Variants in DSCAM observed in about 807,000 individuals in gnomAD.
DSCAM encodes the protein cell adhesion molecule DSCAM.
DSCAM carries 47 observed loss-of-function variants against 217.7 expected under a neutral mutation model. The observed-to-expected ratio is 0.22, with a 90% CI of 0.17 to 0.28. The LOEUF (loss-of-function observed/expected upper bound fraction) is 0.28. Among genes scored for constraint, DSCAM ranks in the 10% least tolerant of loss-of-function variants. The pLI, the probability that DSCAM is intolerant of heterozygous loss-of-function variation, is 1.00. For missense variants in DSCAM, 2,080 were observed against 2,618.3 expected (o/e 0.79, Z 4.49); for synonymous variants, 1,056 against 1,015.3 (o/e 1.04, Z -0.76).
chr21:40,252,672 G>A (rs1009229314), intron 11 of DSCAM, among the ~76,000 whole-genome samples: 1 of 152,070 alleles, frequency 6.6e-6, no homozygotes, highest in African/African-American at 2.4e-5. Flanking sequence ...GTTTTGATAG[G>A]GACTTTTTAC....
chr21:40,296,213 C>A (rs371076429), intron 9 of DSCAM, 39 bp from the exon 10 acceptor site: 1 of 1,607,802 alleles, frequency 6.2e-7, no homozygotes, highest in Non-Finnish European at 8.5e-7. Context: ...TAAGACTAGA[C>A]CAGAAACTGA....
intron 16 of DSCAM, among the ~76,000 whole-genome samples, chr21:40,151,067 G>A (rs770253800): frequency 3.3e-5 from 5 of 151,966 alleles, no homozygotes; most frequent in Non-Finnish European, 7.4e-5. Context: ...TCTGTCTCCC[G>A]ATCTCAGTAG....
Position 40,142,704 on chromosome 21 carries a change from A to G in DSCAM, c.3260T>C (p.Val1087Ala), listed in dbSNP as rs1165414500. The G allele has an allele frequency of 6.8e-6, 11 of 1,613,650 alleles. No homozygotes were observed. The East Asian group carries it at 2.5e-4, about 36-fold the overall frequency. ...QEIITTTLEDVPSYPPENVQA... is the reference protein window; with the variant it reads ...QEIITTTLEDAPSYPPENVQA... ...GACATTTTCGGGGGGGTAACTGGGCACTGAAATCAAATAATTAGAATCTGT... is the reference window on the plus strand; with the variant it reads ...GACATTTTCGGGGGGGTAACTGGGCGCTGAAATCAAATAATTAGAATCTGT... The change falls in exon 18 of 33, where the codon GTG (valine) becomes GCG (alanine). Residue 1087 changes from valine (V) to alanine (A), a missense_variant and splice_region_variant. Coordinates refer to ENST00000400454, the MANE Select transcript of DSCAM (RefSeq NM_001389.5).
chr21:40,100,674 C>A (rs182689780), intron 20 of DSCAM, among the ~76,000 whole-genome samples: 7 of 148,502 alleles, frequency 4.7e-5, no homozygotes, highest in African/African-American at 1.7e-4. Context: ...AGCAAAGCTT[C>A]GCTATCAAGG....
rs1300354315 is a variant in DSCAM at position 40,696,366 on chromosome 21, A to C, written c.362-3410T>G. 2.0e-5 allele frequency among the ~76,000 whole-genome samples: 3 copies of C among 152,266 alleles called. No individual in the cohort carries two copies. The East Asian group carries it at 5.8e-4, about 29-fold the overall frequency. On this transcript the variant is annotated intron_variant, in intron 2 of 32. Transcript: ENST00000400454. Reference sequence around the variant, plus strand: ...GGACACAATCCCCTGAGAGGCAGGGAAAGTGTGAGTAGGGCAGGGAGGGAA... The same window carrying C: ...GGACACAATCCCCTGAGAGGCAGGGCAAGTGTGAGTAGGGCAGGGAGGGAA...
intron 3 of DSCAM, among the ~76,000 whole-genome samples, chr21:40,495,851 C>T (rs910040270): frequency 3.3e-5 from 5 of 151,920 alleles, no homozygotes; most frequent in Admixed American, 6.6e-5. Context: ...ACAAAATCAA[C>T]ACATAAAAAG....
At chr21:40,835,942 A>T (rs2123663664) in intron 1 of DSCAM, among the ~76,000 whole-genome samples, 1 of 152,350 alleles carries the variant, frequency 6.6e-6, no homozygotes, top group East Asian at 1.9e-4. Context: ...AAATACAGTC[A>T]ACTTGTGATT....
chr21:40,400,579 T>C (rs367784108), intron 3 of DSCAM, among the ~76,000 whole-genome samples: 3 of 152,224 alleles, frequency 2.0e-5, no homozygotes, highest in African/African-American at 7.2e-5. Flanking sequence ...AGCACCCAGC[T>C]AATTTAAAAA....
Position 40,542,871 on chromosome 21 carries a change from C to G in DSCAM, c.508+149939G>C, listed in dbSNP as rs192402565. ...AACCAGACTCCAGGTCTTCCTAGTC[C>G]AGCATCATGTCACAATATTAGAAAC... On this transcript the variant is annotated intron_variant, in intron 3 of 32. Coordinates refer to ENST00000400454, the MANE Select transcript of DSCAM (RefSeq NM_001389.5). 7.6e-4 allele frequency among the ~76,000 whole-genome samples: 115 copies of G among 152,172 alleles called. 2 individuals carry two copies. The highest frequency in any genetic ancestry group is 6.9e-3 in the Admixed American group (106 of 15,288).
intron 3 of DSCAM, among the ~76,000 whole-genome samples, chr21:40,417,915 G>A (rs780234301): frequency 2.0e-4 from 31 of 152,068 alleles, no homozygotes; most frequent in South Asian, 4.2e-4. Context: ...ATGTATAAAC[G>A]GGGAAGGTGA....
intron 3 of DSCAM, among the ~76,000 whole-genome samples, chr21:40,430,453 C>T (rs1318600455): frequency 6.6e-6 from 1 of 152,172 alleles, no homozygotes; most frequent in Non-Finnish European, 1.5e-5. Flanking sequence ...CTGGCCTAGC[C>T]TCTCAGCTTA....
chr21:40,663,103 G>C (rs2090157692), intron 3 of DSCAM, among the ~76,000 whole-genome samples: 1 of 148,780 alleles, frequency 6.7e-6, no homozygotes. Context: ...TATGTGTGTG[G>C]TGTGTATGTG....
At chr21:40,514,302 G>A (rs1488109080) in intron 3 of DSCAM, among the ~76,000 whole-genome samples, 1 of 152,132 alleles carries the variant, frequency 6.6e-6, no homozygotes, top group African/African-American at 2.4e-5. Context: ...GAGCCAGGGA[G>A]CCATCCAATG....
chr21:40,786,794 GT>G (rs1294121781), intron 1 of DSCAM, among the ~76,000 whole-genome samples: 7 of 152,154 alleles, frequency 4.6e-5, no homozygotes, highest in Non-Finnish European at 1.0e-4. Context: ...TTATAGTTTA[GT>G]TACTATAGGC....
intron 3 of DSCAM, among the ~76,000 whole-genome samples, chr21:40,648,280 C>CAT (rs1009764945): frequency 6.9e-6 from 1 of 143,934 alleles, no homozygotes; most frequent in African/African-American, 2.6e-5. Flanking sequence ...CACACACACA[C>CAT]ACTCACACAC....
At chr21:40,808,907 C>T (rs756347868) in intron 1 of DSCAM, among the ~76,000 whole-genome samples, 1 of 152,196 alleles carries the variant, frequency 6.6e-6, no homozygotes, top group Non-Finnish European at 1.5e-5. Context: ...GGTGACATAA[C>T]CCTCCTGGAC....
At chr21:40,380,775 G>C (rs1316169251) in intron 3 of DSCAM, among the ~76,000 whole-genome samples, 4 of 152,186 alleles carry the variant, frequency 2.6e-5, no homozygotes, top group Non-Finnish European at 5.9e-5. Context: ...TTTGAAAATA[G>C]AACTGAGGCC....
At position 40,387,395 on chromosome 21, in the gene DSCAM, C is replaced by T. The variant is rs369203030; in HGVS notation, c.509-18150G>A. On this transcript the variant is annotated intron_variant, in intron 3 of 32. Transcript: ENST00000400454. ...AAAAAAAAAACAGCCTTTGCAAATA[C>T]CCTTGCCTTCCTAGCCTAAGCTTTG... Among the ~76,000 whole-genome samples, 6 of 151,910 alleles carry T rather than the reference C, an allele frequency of 3.9e-5. No individual in the cohort carries two copies. The East Asian group carries it at 5.8e-4, about 15-fold the overall frequency.
intron 3 of DSCAM, among the ~76,000 whole-genome samples, chr21:40,518,085 G>A (rs2076317801): frequency 6.6e-6 from 1 of 151,614 alleles, no homozygotes; most frequent in Non-Finnish European, 1.5e-5. Flanking sequence ...GGACCAAGGA[G>A]GGCACATAGA....
Sources: allele counts gnomAD v4.1 joint callset (sites outside exome capture counted in the v4.1 genomes callset), GRCh38; gene constraint gnomAD v4.1.1; transcripts MANE v1.5; gene names NCBI Gene and HGNC (gene_info 2026-07-23, HGNC 2026-07-21).